RBFOX1: variants seen among roughly 807,000 people sequenced by gnomAD.
RBFOX1 encodes RNA binding fox-1 homolog 1, also known as RNA binding protein fox-1 homolog 1.
Under a neutral mutation model 57.7 loss-of-function variants are expected in RBFOX1, and 8 were observed. The observed-to-expected ratio is 0.14, with a 90% CI of 0.08 to 0.25. RBFOX1 has a LOEUF of 0.25. Among genes scored for constraint, RBFOX1 ranks in the 10% least tolerant of loss-of-function variants. The pLI is 1.00. For synonymous variants in RBFOX1, 326 were observed against 222.4 expected (o/e 1.47, Z -4.15); for missense variants, 611 against 548.5 (o/e 1.11, Z -1.14).
chr16:6,966,078 T>G (rs891018632), intron 3 of RBFOX1, among the ~76,000 whole-genome samples: 6 of 152,136 alleles, frequency 3.9e-5, no homozygotes. Context: ...GGTAGTGATT[T>G]TTACTCTATC....
chr16:6,272,880 T>G (rs1784682184), intron 1 of RBFOX1, among the ~76,000 whole-genome samples: 1 of 152,182 alleles, frequency 6.6e-6, no homozygotes, highest in African/African-American at 2.4e-5. Flanking sequence ...TGGGAATTCT[T>G]GACCAAAATT....
At chr16:6,475,901 T>C (rs910293160) in intron 2 of RBFOX1, among the ~76,000 whole-genome samples, 7 of 152,214 alleles carry the variant, frequency 4.6e-5, no homozygotes, top group African/African-American at 1.7e-4. Flanking sequence ...ATAAGATTGA[T>C]TTTTATAAAA....
At chr16:6,917,534 A>C (rs998109610) in intron 3 of RBFOX1, among the ~76,000 whole-genome samples, 4 of 152,226 alleles carry the variant, frequency 2.6e-5, no homozygotes, top group Non-Finnish European at 5.9e-5. Flanking sequence ...AGGAAGATCA[A>C]TGCTAACAAT....
At chr16:7,482,019 A>C (rs1483236005) in intron 4 of RBFOX1, among the ~76,000 whole-genome samples, 2 of 152,236 alleles carry the variant, frequency 1.3e-5, no homozygotes, top group Non-Finnish European at 2.9e-5. Context: ...TGTAAAGTCG[A>C]AAAGTCTTGA....
At chr16:6,793,898 A>T (rs183027654) in intron 3 of RBFOX1, among the ~76,000 whole-genome samples, 1 of 152,274 alleles carries the variant, frequency 6.6e-6, no homozygotes, top group African/African-American at 2.4e-5. Flanking sequence ...TGAAACATCT[A>T]TCTCCCTCTT....
intron 14 of RBFOX1, among the ~76,000 whole-genome samples, chr16:7,679,194 C>T (rs1228902822): frequency 1.3e-5 from 2 of 152,092 alleles, no homozygotes. Flanking sequence ...CTGTAATAAG[C>T]AGATATTGAG....
At chr16:7,590,881 A>G (rs2094410780) in intron 7 of RBFOX1, among the ~76,000 whole-genome samples, 1 of 151,672 alleles carries the variant, frequency 6.6e-6, no homozygotes, top group African/African-American at 2.4e-5. Context: ...AAAAAAAAAA[A>G]AAAGCTACAC....
At position 5,681,240 on chromosome 16, in the gene RBFOX1, ATT is replaced by A. The variant is rs71404546; in HGVS notation, c.318+82295_318+82296del. Among the ~76,000 whole-genome samples the A allele has an allele frequency of 7.4e-3, 990 of 134,560 alleles. 23 individuals are homozygous for A. The highest frequency in any genetic ancestry group is 0.054 in the Admixed American group (726 of 13,486). The allele number at this position is 134,560 out of a possible 152,430, so 88.3% of individuals were successfully genotyped here. A position where few individuals can be genotyped will look rare whatever the true frequency, so the allele number is the denominator to read the frequency against. ...AGGTGCCTGCCACCATGCCTGGCTA[ATT>A]TTTTTTTTTTTTTTTGTATTTTTGG... is the stretch of plus-strand genomic sequence containing the variant. On this transcript the variant is annotated intron_variant, in intron 3 of 19. Transcript: ENST00000641259.
intron 4 of RBFOX1, among the ~76,000 whole-genome samples, chr16:7,442,057 C>T (rs2098772232): frequency 1.3e-5 from 2 of 152,202 alleles, no homozygotes; most frequent in Admixed American, 6.5e-5. Flanking sequence ...TGGCACATAG[C>T]AGAAAACATC....
At chr16:7,571,679 T>C (rs1167960237) in intron 5 of RBFOX1, among the ~76,000 whole-genome samples, 1 of 152,124 alleles carries the variant, frequency 6.6e-6, no homozygotes, top group Non-Finnish European at 1.5e-5. Context: ...GAAGCTGGCA[T>C]TGTGGTCCTA....
chr16:7,505,504 C>T (rs2072982027), intron 4 of RBFOX1, among the ~76,000 whole-genome samples: 1 of 152,206 alleles, frequency 6.6e-6, no homozygotes, highest in Non-Finnish European at 1.5e-5. Context: ...GGAATTATCA[C>T]CTCAGAAGTG....
chr16:5,982,145 A>C (rs555167227), intron 4 of RBFOX1, among the ~76,000 whole-genome samples: 5 of 152,292 alleles, frequency 3.3e-5, no homozygotes, highest in African/African-American at 1.2e-4. Context: ...ATGTGGTCCC[A>C]TTGACCCTCT....
At chr16:7,110,800 G>C (rs1382509059) in intron 4 of RBFOX1, among the ~76,000 whole-genome samples, 1 of 152,134 alleles carries the variant, frequency 6.6e-6, no homozygotes, top group Middle Eastern at 3.2e-3. Context: ...GAAAATTTTA[G>C]TGACTAAAGG....
At chr16:6,928,440 A>G (rs2153469213) in intron 3 of RBFOX1, among the ~76,000 whole-genome samples, 1 of 152,316 alleles carries the variant, frequency 6.6e-6, no homozygotes, top group Non-Finnish European at 1.5e-5. Flanking sequence ...GCTGGCAGCC[A>G]AGAGCTCAGG....
intron 3 of RBFOX1, among the ~76,000 whole-genome samples, chr16:6,904,052 C>T (rs986765634): frequency 3.3e-5 from 5 of 152,188 alleles, no homozygotes; most frequent in African/African-American, 1.2e-4. Flanking sequence ...CAGAGATAAG[C>T]TACCCCCATG....
chr16:5,959,454 C>G (rs1057336474), intron 4 of RBFOX1, among the ~76,000 whole-genome samples: 2 of 152,138 alleles, frequency 1.3e-5, no homozygotes, highest in African/African-American at 4.8e-5. Flanking sequence ...CATTCTTGCT[C>G]AGGAACATAC....
chr16:7,571,986 G>A (rs865870036), intron 5 of RBFOX1, among the ~76,000 whole-genome samples: 2 of 152,156 alleles, frequency 1.3e-5, no homozygotes, highest in Non-Finnish European at 2.9e-5. Flanking sequence ...AATTAGCTGG[G>A]CTTGGTGGCA....
At chr16:5,980,035 T>G (rs1265054700) in intron 4 of RBFOX1, among the ~76,000 whole-genome samples, 1 of 152,224 alleles carries the variant, frequency 6.6e-6, no homozygotes, top group South Asian at 2.1e-4. Context: ...ATCCAAGGGT[T>G]CCTGAAAAGT....
At chr16:5,749,904 G>A (rs1402573230) in intron 3 of RBFOX1, among the ~76,000 whole-genome samples, 2 of 152,142 alleles carry the variant, frequency 1.3e-5, no homozygotes, top group Admixed American at 1.3e-4. Context: ...TTCCATTGCT[G>A]GTGAGGAGCT....
Sources: gnomAD v4.1 joint callset for allele counts (sites outside exome capture counted in the v4.1 genomes callset) on GRCh38, gnomAD v4.1.1 for gene constraint, MANE v1.5 for transcripts, NCBI Gene and HGNC (gene_info 2026-07-23, HGNC 2026-07-21) for gene names.